CADM2: variants seen among roughly 807,000 people sequenced by gnomAD.
CADM2 encodes the protein immunoglobulin superfamily member 4D.
In CADM2, 12 loss-of-function variants were observed where a neutral mutation model predicts 49.8. The ratio of observed to expected loss-of-function variants is 0.24; its 90% CI spans 0.15 to 0.39. The LOEUF (loss-of-function observed/expected upper bound fraction) is 0.39, where lower values mean the gene tolerates loss of function less well. CADM2 is among the 10% of genes least tolerant of loss of function. The probability of loss-of-function intolerance (pLI) is 1.00; values close to 1 mark genes in which losing one functional copy is unlikely to be tolerated. For missense variants in CADM2, 378 were observed against 492.3 expected (o/e 0.77, Z 2.20); for synonymous variants, 214 against 175.4 (o/e 1.22, Z -1.74).
At chr3:85,396,175 T>A (rs2034778731) in intron 1 of CADM2, among the ~76,000 whole-genome samples, 1 of 151,756 alleles carries the variant, frequency 6.6e-6, no homozygotes, top group Non-Finnish European at 1.5e-5. Context: ...AGATTTTAAA[T>A]ATTTAACTGT....
At chr3:85,066,657 C>T (rs183913797) in intron 1 of CADM2, among the ~76,000 whole-genome samples, 31 of 152,254 alleles carry the variant, frequency 2.0e-4, no homozygotes, top group Non-Finnish European at 5.9e-5. Flanking sequence ...CTCTCCTCCC[C>T]TGCTGTCTAC....
chr3:85,265,541 A>C (rs1037268979), intron 1 of CADM2, among the ~76,000 whole-genome samples: 1 of 151,928 alleles, frequency 6.6e-6, no homozygotes, highest in Non-Finnish European at 1.5e-5. Context: ...CCATTCCCGG[A>C]GTAACAAATC....
At chr3:85,534,187 A>G (rs1347136057) in intron 1 of CADM2, among the ~76,000 whole-genome samples, 3 of 152,174 alleles carry the variant, frequency 2.0e-5, no homozygotes, top group Non-Finnish European at 4.4e-5. Flanking sequence ...ATATCTTTAC[A>G]GCAATTCATT....
intron 2 of CADM2, among the ~76,000 whole-genome samples, chr3:85,741,977 G>A (rs1171624493): frequency 9.2e-5 from 14 of 152,146 alleles, no homozygotes; most frequent in South Asian, 4.1e-4. Flanking sequence ...ACTTCTAGAC[G>A]GATATAAGTT....
chr3:85,855,585 CAT>C (rs10537641), intron 3 of CADM2, among the ~76,000 whole-genome samples: 19,777 of 115,608 alleles, frequency 0.17, 3,018 homozygotes, highest in African/African-American at 0.35. Flanking sequence ...ATATAAAAAA[CAT>C]ATATATATAT....
chr3:85,062,239 T>C (rs2036358029), intron 1 of CADM2, among the ~76,000 whole-genome samples: 1 of 152,154 alleles, frequency 6.6e-6, no homozygotes, highest in Non-Finnish European at 1.5e-5. Context: ...ATCAACACTG[T>C]GCTTTACTAT....
chr3:86,029,465 A>G (rs1380064219), intron 8 of CADM2, among the ~76,000 whole-genome samples: 3 of 152,002 alleles, frequency 2.0e-5, no homozygotes, highest in Non-Finnish European at 4.4e-5. Context: ...TTTTGGGGGG[A>G]AAAGGTGAGA....
intron 1 of CADM2, among the ~76,000 whole-genome samples, chr3:85,680,606 C>G (rs192803432): frequency 6.6e-6 from 1 of 152,082 alleles, no homozygotes; most frequent in Non-Finnish European, 1.5e-5. Context: ...GTGTCATACA[C>G]CCTGCAATAA....
intron 1 of CADM2, among the ~76,000 whole-genome samples, chr3:85,042,706 T>C (rs973885720): frequency 1.3e-5 from 2 of 152,192 alleles, no homozygotes; most frequent in African/African-American, 4.8e-5. Context: ...ACTAGTTGAA[T>C]AGCTGCATAT....
At chr3:85,761,914 G>A (rs939851573) in intron 2 of CADM2, among the ~76,000 whole-genome samples, 2 of 152,152 alleles carry the variant, frequency 1.3e-5, no homozygotes, top group South Asian at 2.1e-4. Context: ...CCAACAGGTA[G>A]GGAAATGAGA....
intron 1 of CADM2, among the ~76,000 whole-genome samples, chr3:85,016,518 TG>T (rs2034254925): frequency 6.6e-6 from 1 of 152,046 alleles, no homozygotes; most frequent in Non-Finnish European, 1.5e-5. Context: ...TGGTGCTGGG[TG>T]TGGTGGCTCA....
intron 1 of CADM2, among the ~76,000 whole-genome samples, chr3:85,425,889 G>A (rs949278024): frequency 6.6e-6 from 1 of 152,146 alleles, no homozygotes; most frequent in African/African-American, 2.4e-5. Flanking sequence ...TAATGTGGAG[G>A]TCTAAAGGGC....
intron 1 of CADM2, among the ~76,000 whole-genome samples, chr3:85,384,315 T>C (rs529706961): frequency 6.6e-6 from 1 of 152,214 alleles, no homozygotes; most frequent in African/African-American, 2.4e-5. Flanking sequence ...TTTTCTTCTA[T>C]TTTTTGTTTT....
intron 2 of CADM2, among the ~76,000 whole-genome samples, chr3:85,736,573 AG>A (rs571626392): frequency 8.9e-4 from 136 of 152,278 alleles, no homozygotes; most frequent in African/African-American, 2.9e-3. Flanking sequence ...TTAAAATTAG[AG>A]GGGATAGATA....
intron 1 of CADM2, among the ~76,000 whole-genome samples, chr3:85,519,254 G>A (rs913995706): frequency 1.3e-5 from 2 of 151,968 alleles, no homozygotes; most frequent in African/African-American, 4.8e-5. Flanking sequence ...GACAACTATA[G>A]CAGTAATATA....
At chr3:85,761,404 C>T (rs2069374159) in intron 2 of CADM2, among the ~76,000 whole-genome samples, 1 of 122,334 alleles carries the variant, frequency 8.2e-6, no homozygotes, top group Non-Finnish European at 1.6e-5. Context: ...GACAGAATCT[C>T]ACTCTGTCTC....
At chr3:84,987,547 ATCT>A (rs1200909144) in intron 1 of CADM2, among the ~76,000 whole-genome samples, 1 of 152,070 alleles carries the variant, frequency 6.6e-6, no homozygotes, top group African/African-American at 2.4e-5. Flanking sequence ...CAGATCATAG[ATCT>A]TCTAGAAGCT....
rs1262185236 is a variant in CADM2 at position 85,628,676 on chromosome 3, CAT to C, written c.62-97832_62-97831del. ...ACATATGTATATGTGTATATATACA[CAT>C]ATATATATATATAATTTGCTTGCTA... On this transcript the variant is annotated intron_variant, in intron 1 of 9. Transcript: ENST00000383699. Among the ~76,000 whole-genome samples the C allele has an allele frequency of 5.9e-3, 861 of 145,670 alleles. 4 individuals are homozygous for C. The highest frequency in any genetic ancestry group is 0.02 in the Middle Eastern group (5 of 252).
At chr3:85,776,827 A>C (rs1484872492) in intron 2 of CADM2, among the ~76,000 whole-genome samples, 1 of 152,054 alleles carries the variant, frequency 6.6e-6, no homozygotes, top group Non-Finnish European at 1.5e-5. Flanking sequence ...ATTTTTTGTA[A>C]ATATTACCAA....
Sources: gnomAD v4.1 joint callset for allele counts (sites outside exome capture counted in the v4.1 genomes callset) on GRCh38, gnomAD v4.1.1 for gene constraint, MANE v1.5 for transcripts, NCBI Gene and HGNC (gene_info 2026-07-23, HGNC 2026-07-21) for gene names.